COBL: variants seen among roughly 807,000 people sequenced by gnomAD.
COBL encodes the protein protein cordon-bleu.
COBL carries 51 observed loss-of-function variants against 98.8 expected under a neutral mutation model. That is an observed-to-expected ratio of 0.52 (90% CI 0.41 to 0.65). The LOEUF is 0.65. COBL is among the 30% of genes least tolerant of loss of function. COBL has a pLI of 0.00. For missense variants in COBL, 1,617 were observed against 1,617.5 expected (o/e 1.00, Z 0.01); for synonymous variants, 634 against 651.7 (o/e 0.97, Z 0.41).
At chr7:51,283,895 A>G (rs758300608) in intron 1 of COBL, among the ~76,000 whole-genome samples, 1 of 152,148 alleles carries the variant, frequency 6.6e-6, no homozygotes, top group Non-Finnish European at 1.5e-5. Flanking sequence ...AAAAAACACC[A>G]ATAACATCAG....
At chr7:51,297,620 T>TCA (rs1801539843) in intron 1 of COBL, among the ~76,000 whole-genome samples, 1 of 152,118 alleles carries the variant, frequency 6.6e-6, no homozygotes, top group Non-Finnish European at 1.5e-5. Flanking sequence ...CTCGAACTCC[T>TCA]GACCTCAGGT....
intron 6 of COBL, among the ~76,000 whole-genome samples, chr7:51,133,707 C>T (rs1798961332): frequency 6.6e-6 from 1 of 152,166 alleles, no homozygotes; most frequent in Non-Finnish European, 1.5e-5. Context: ...GTGGGAAGAG[C>T]CATGGGATCT....
intron 5 of COBL, among the ~76,000 whole-genome samples, chr7:51,178,931 T>C (rs1198378241): frequency 6.6e-6 from 1 of 152,142 alleles, no homozygotes; most frequent in Non-Finnish European, 1.5e-5. Flanking sequence ...AATCAAAGAG[T>C]AAATGTTTTT....
At chr7:51,181,948 G>T (rs1316118639) in intron 5 of COBL, among the ~76,000 whole-genome samples, 1 of 152,214 alleles carries the variant, frequency 6.6e-6, no homozygotes, top group Non-Finnish European at 1.5e-5. Context: ...CCCACACCCT[G>T]AACTATCAGA....
Position 51,212,838 on chromosome 7 carries a change from G to A in COBL, c.245+6903C>T, listed in dbSNP as rs761477343. ...CATTTCTACTCAGGTCTGGGGAAGG[G>A]CTGGGAATTTGCATTTCTAACAAGT... is the stretch of plus-strand genomic sequence containing the variant. On this transcript the variant is annotated intron_variant, in intron 2 of 12. Coordinates refer to ENST00000265136, the MANE Select transcript of COBL (RefSeq NM_015198.5). 9.4e-4 allele frequency among the ~76,000 whole-genome samples: 143 copies of A among 152,302 alleles called. 2 individuals carry two copies. The highest frequency in any genetic ancestry group is 1.2e-3 in the Admixed American group (19 of 15,302).
At chr7:51,237,549 A>G (rs1428786903) in intron 1 of COBL, among the ~76,000 whole-genome samples, 2 of 151,562 alleles carry the variant, frequency 1.3e-5, no homozygotes, top group Non-Finnish European at 2.9e-5. Flanking sequence ...AAAAAAAAAA[A>G]AAAAAAACTT....
At chr7:51,031,125 T>C (rs1788101610) in intron 8 of COBL, 4 of 564,070 alleles carry the variant, frequency 7.1e-6, no homozygotes, top group Admixed American at 6.4e-5. Context: ...GGGATGCGTG[T>C]AGCGTGTGTG....
chr7:51,259,985 G>A (rs375513018), intron 1 of COBL: 4 of 753,370 alleles, frequency 5.3e-6, no homozygotes, highest in African/African-American at 1.7e-5. Context: ...TCACGTTTCT[G>A]CCACCAGGAA....
intron 5 of COBL, among the ~76,000 whole-genome samples, chr7:51,145,436 A>C (rs552185860): frequency 4.1e-5 from 6 of 147,522 alleles, no homozygotes. Flanking sequence ...GCTGGAGTGC[A>C]GTGGCACGAA....
At chr7:51,201,416 C>G (rs1584148722) in intron 2 of COBL, among the ~76,000 whole-genome samples, 1 of 152,008 alleles carries the variant, frequency 6.6e-6, no homozygotes, top group East Asian at 1.9e-4. Flanking sequence ...AATATTAATA[C>G]TTAAACCACC....
intron 7 of COBL, 72 bp from the exon 8 acceptor site, chr7:51,043,764 T>A: frequency 7.3e-7 from 1 of 1,362,682 alleles, no homozygotes; most frequent in Non-Finnish European, 1.0e-6. Context: ...AAGTGTGACA[T>A]CAGTCTGTCG....
At chr7:51,122,354 C>T (rs1170573863) in intron 6 of COBL, among the ~76,000 whole-genome samples, 3 of 152,170 alleles carry the variant, frequency 2.0e-5, no homozygotes, top group African/African-American at 7.2e-5. Context: ...GCCACAGGTT[C>T]CCAGGGATGT....
At chr7:51,083,911 C>T (rs1350961540) in intron 7 of COBL, among the ~76,000 whole-genome samples, 1 of 152,102 alleles carries the variant, frequency 6.6e-6, no homozygotes, top group Non-Finnish European at 1.5e-5. Context: ...CCACATACAG[C>T]CATTTACAGT....
chr7:51,100,293 CT>C (rs1795696255), intron 6 of COBL, among the ~76,000 whole-genome samples: 1 of 152,192 alleles, frequency 6.6e-6, no homozygotes, highest in African/African-American at 2.4e-5. Flanking sequence ...TAGCAAGGGG[CT>C]GCTGAGTCCT....
At chr7:51,197,260 C>T (rs1289989885) in intron 2 of COBL, among the ~76,000 whole-genome samples, 1 of 151,866 alleles carries the variant, frequency 6.6e-6, no homozygotes, top group East Asian at 1.9e-4. Context: ...CTTGATTTTC[C>T]CCTTCCTTTC....
chr7:51,277,072 C>T (rs1256491919), intron 1 of COBL, among the ~76,000 whole-genome samples: 1 of 152,170 alleles, frequency 6.6e-6, no homozygotes, highest in East Asian at 1.9e-4. Flanking sequence ...TCTACCAAAG[C>T]AGCACCTGGA....
chr7:51,184,303 A>G (rs1242413894), intron 4 of COBL, 104 bp from the exon 5 acceptor site: 1 of 632,880 alleles, frequency 1.6e-6, no homozygotes, highest in African/African-American at 1.9e-5. Context: ...TTAAACTTTT[A>G]GTTCTTGTAA....
chr7:51,166,810 C>T (rs1787360587), intron 5 of COBL, among the ~76,000 whole-genome samples: 1 of 152,104 alleles, frequency 6.6e-6, no homozygotes, highest in South Asian at 2.1e-4. Context: ...ATATGCAAAT[C>T]AATCAGTGTG....
chr7:51,263,656 C>T (rs539368470), intron 1 of COBL, among the ~76,000 whole-genome samples: 24 of 152,158 alleles, frequency 1.6e-4, no homozygotes, highest in Non-Finnish European at 3.1e-4. Context: ...AGTTCCCAGG[C>T]GTGGCTGTCC....
Sources: gnomAD v4.1 joint callset for allele counts (sites outside exome capture counted in the v4.1 genomes callset) on GRCh38, gnomAD v4.1.1 for gene constraint, MANE v1.5 for transcripts, NCBI Gene and HGNC (gene_info 2026-07-23, HGNC 2026-07-21) for gene names.